RECQL5: variants seen among roughly 807,000 people sequenced by gnomAD.
RECQL5 encodes the protein RecQ like helicase 5, also known as ATP-dependent DNA helicase Q5.
RECQL5 carries 88 observed loss-of-function variants against 103.4 expected under a neutral mutation model. The ratio of observed to expected loss-of-function variants is 0.85; its 90% CI spans 0.72 to 1.02. The LOEUF is 1.02. Among genes scored for constraint, RECQL5 ranks in the 50% least tolerant of loss-of-function variants. RECQL5 has a pLI of 0.00. For missense variants in RECQL5, 1,232 were observed against 1,284.3 expected (o/e 0.96, Z 0.62); for synonymous variants, 552 against 507.9 (o/e 1.09, Z -1.17).
chr17:75,645,654 TAGTC>T (rs767095302), intron 8 of RECQL5, among the ~76,000 whole-genome samples: 11 of 152,192 alleles, frequency 7.2e-5, no homozygotes, highest in African/African-American at 1.2e-4. Flanking sequence ...CCAAGGGCCT[TAGTC>T]AGTAAGTTTC....
At chr17:75,658,215 C>T in intron 7 of RECQL5, 83 bp downstream of exon 7, 8 of 1,469,736 alleles carry the variant, frequency 5.4e-6, no homozygotes, top group Non-Finnish European at 7.4e-6. Context: ...CTTACACAAG[C>T]ATCATCAGAG....
chr17:75,665,689 CAA>C (rs1184942786), intron 2 of RECQL5, among the ~76,000 whole-genome samples: 28 of 63,408 alleles, frequency 4.4e-4, no homozygotes, highest in Admixed American at 3.4e-4. Context: ...GACTCTGTTT[CAA>C]AAAAAAAAAA....
chr17:75,628,189 A>C (rs1219014934), intron 18 of RECQL5, 29 bp downstream of exon 18: 1 of 1,556,798 alleles, frequency 6.4e-7, no homozygotes, highest in Admixed American at 1.7e-5. Flanking sequence ...CAGGCATGGG[A>C]GAAGGCAGAG....
intron 8 of RECQL5, chr17:75,641,117 T>A: frequency 1.3e-6 from 1 of 758,596 alleles, no homozygotes; most frequent in Non-Finnish European, 2.0e-6. Flanking sequence ...CACTGGGTGC[T>A]GGGGAGTCAG....
Position 75,630,650 on chromosome 17 carries a change from T to A in RECQL5, c.1687A>T (p.Ser563Cys). 1 of 1,613,436 alleles carries A rather than the reference T, an allele frequency of 6.2e-7. No homozygotes were observed. Among genetic ancestry groups the A allele is most frequent in the East Asian group, 2.2e-5 (1 of 44,878 alleles). The change falls in exon 13 of 20, where the codon AGC (serine) becomes TGC (cysteine). Residue 563 changes from serine (S) to cysteine (C), a missense_variant. Physicochemically the swap from Ser to Cys is moderately radical, Grantham distance 112. Coordinates refer to ENST00000317905, the MANE Select transcript of RECQL5 (RefSeq NM_004259.7). ...CLRLLEEALS[S>C]NRQSTRTADE... is the part of the protein sequence containing the mutation. ...GCGGTACGTGTTGACTGGCGGTTGC[T>A]GCTCAGCGCCTCCTCCAGAAGCCGC...
At chr17:75,628,633 C>T in intron 17 of RECQL5, 39 bp downstream of exon 17, 1 of 1,555,328 alleles carries the variant, frequency 6.4e-7, no homozygotes, top group South Asian at 1.2e-5. Context: ...TCGCCCACAG[C>T]CCTTCTCTCC....
Position 75,661,659 on chromosome 17 carries a change from T to C in RECQL5, c.821A>G (p.Gln274Arg). The C allele has an allele frequency of 6.2e-7, 1 of 1,614,072 alleles. No individual in the cohort carries two copies. Among genetic ancestry groups the C allele is most frequent in the Non-Finnish European group, 8.5e-7 (1 of 1,180,026 alleles). ...CCTGCAGCTGAGCTCTATGGCCAGC[T>C]GTTCACAAGCCTCTCTAGTCCTGCA... is the stretch of plus-strand genomic sequence containing the variant. The part of the protein sequence containing the change: ...VYCRTREACE[Q>R]LAIELSCRGV... The change falls in exon 5 of 20, where the codon CAG (glutamine) becomes CGG (arginine). Residue 274 changes from glutamine (Q) to arginine (R), a missense_variant. By Grantham distance (43) the Gln-to-Arg change is conservative. Coordinates refer to ENST00000317905, the MANE Select transcript of RECQL5 (RefSeq NM_004259.7).
rs201921330 is a variant in RECQL5 at position 75,629,133 on chromosome 17, T to A, written c.2290A>T (p.Ile764Phe). The A allele has an allele frequency of 1.8e-4, 286 of 1,613,700 alleles. No individual in the cohort carries two copies. Among genetic ancestry groups the A allele is most frequent in the Middle Eastern group, 8.2e-4 (5 of 6,078 alleles). The change falls in exon 16 of 20, where the codon ATC becomes TTC. Residue 764 changes from isoleucine to phenylalanine, a missense_variant. Coordinates refer to ENST00000317905, the MANE Select transcript of RECQL5 (RefSeq NM_004259.7). ...ATAAHKDSQS[I>F]ARFFCRRVES... ...ACCCTTCGGCAGAAGAAGCGGGCGA[T>A]GCTCTGAGAATCCTTGTGGGCCGCT...
intron 6 of RECQL5, among the ~76,000 whole-genome samples, chr17:75,659,210 C>T (rs915800642): frequency 6.6e-6 from 1 of 152,010 alleles, no homozygotes; most frequent in African/African-American, 2.4e-5. Context: ...TACAGGTGGG[C>T]GCCACCATGC....
chr17:75,648,339 A>G (rs572077916), intron 8 of RECQL5, among the ~76,000 whole-genome samples: 1 of 152,080 alleles, frequency 6.6e-6, no homozygotes, highest in East Asian at 1.9e-4. Flanking sequence ...TATACTCTCG[A>G]AACACCATTT....
rs1424732571 is a variant in RECQL5, at chr17:75,662,804, T to G, written c.446A>C (p.His149Pro). 6.2e-7 allele frequency: 1 copy of G among 1,614,088 alleles called. No individual in the cohort carries two copies. Among genetic ancestry groups the G allele is most frequent in the South Asian group, 1.1e-5 (1 of 91,080 alleles). ...QPTLNSLVSR[H>P]LLSYLVVDEA... ...ATCCACCACCAAGTAAGACAGCAGG[T>G]GGCGGGACACCAGGGAGTTCAGGGT... The change falls in exon 4 of 20, where the codon CAC (histidine) becomes CCC (proline). Residue 149 changes from histidine to proline, a missense_variant. By Grantham distance (77) the His-to-Pro change is moderately conservative. Transcript: ENST00000317905.
intron 7 of RECQL5, among the ~76,000 whole-genome samples, chr17:75,656,471 T>C (rs1942384672): frequency 6.6e-6 from 1 of 152,204 alleles, no homozygotes; most frequent in Non-Finnish European, 1.5e-5. Flanking sequence ...ATTAAGTTTT[T>C]TTTTTGTTTC....
At chr17:75,630,748 G>A in intron 12 of RECQL5, 31 bp downstream of exon 12, 3 of 1,594,944 alleles carry the variant, frequency 1.9e-6, no homozygotes, top group Non-Finnish European at 2.6e-6. Context: ...GAGGGCCCCG[G>A]CGGGTGGCTG....
chr17:75,649,986 A>C lies in RECQL5; in HGVS notation c.1229+1200T>G, dbSNP rs1003545621. 4.3e-5 allele frequency: 42 copies of C among 985,498 alleles called. No homozygotes were observed. In the African/African-American group the frequency reaches 6.8e-4, roughly 16 times the overall value. The allele number at this position is 985,498 out of a possible 1,614,324, so 61.0% of individuals were successfully genotyped here. The stretch of plus-strand genomic sequence containing the variant: ...GGCAGGCGGAGCAGACCCTGGGGAC[A>C]GGCAGAGTTAACCCTCCAGAGAGCA... On this transcript the variant is annotated intron_variant, in intron 8 of 19. Coordinates refer to ENST00000317905, the MANE Select transcript of RECQL5 (RefSeq NM_004259.7).
intron 7 of RECQL5, among the ~76,000 whole-genome samples, chr17:75,653,168 T>C (rs373464317): frequency 2.6e-5 from 4 of 152,224 alleles, no homozygotes; most frequent in Non-Finnish European, 4.4e-5. Context: ...AGTAGGGCAA[T>C]AGCAGGTGGT....
In RECQL5 at chr17:75,629,818, T is replaced by G. The variant is rs775466364; in HGVS notation, c.1837A>C (p.Lys613Gln). The stretch of plus-strand genomic sequence containing the variant: ...CCCATGTCATAGGGCTGCCCATCCT[T>G]GGAGGCTCTGTGGATATCGGCCACC... ...KKVADIHRAS[K>Q]DGQPYDMGGS... The change falls in exon 15 of 20, where the codon AAG becomes CAG. Residue 613 changes from lysine to glutamine, a missense_variant. Lys to Gln is a moderately conservative substitution (Grantham distance 53). Coordinates refer to ENST00000317905, the MANE Select transcript of RECQL5 (RefSeq NM_004259.7). The G allele has an allele frequency of 5.1e-5, 82 of 1,612,500 alleles. No individual in the cohort carries two copies. The highest frequency in any genetic ancestry group is 1.7e-4 in the Middle Eastern group (1 of 5,934).
At chr17:75,629,680 G>A (rs2059170080) in intron 15 of RECQL5, 28 bp downstream of exon 15, 1 of 1,589,134 alleles carries the variant, frequency 6.3e-7, no homozygotes, top group Non-Finnish European at 8.6e-7. Context: ...CTGGTCACAG[G>A]TCTGGAGGCC....
Position 75,662,981 on chromosome 17 carries a change from A to G in RECQL5, c.269T>C (p.Leu90Ser). The G allele has an allele frequency of 6.2e-7, 1 of 1,605,454 alleles. No homozygotes were observed. Among genetic ancestry groups the G allele is most frequent in the Non-Finnish European group, 8.5e-7 (1 of 1,175,322 alleles). ...ACTTACTCGTACCTTTAGGGTTAGCAAGTGGTCCACTTGGTCCTAAGAGAA... is the reference window on the plus strand; with the variant it reads ...ACTTACTCGTACCTTTAGGGTTAGCGAGTGGTCCACTTGGTCCTAAGAGAA... The part of the protein sequence containing the change: ...IALIQDQVDH[L>S]LTLKVRVSSL... Residue 90 changes from leucine to serine, a missense_variant, in exon 4 of 20, where the codon TTG (leucine) becomes TCG (serine). Leu to Ser is a moderately radical substitution (Grantham distance 145). Coordinates refer to ENST00000317905, the MANE Select transcript of RECQL5 (RefSeq NM_004259.7).
Position 75,627,485 on chromosome 17 carries a change from G to T in RECQL5, c.2913C>A (p.Phe971Leu). The change falls in exon 20 of 20, where the codon TTC becomes TTA. Residue 971 changes from phenylalanine (F) to leucine (L), a missense_variant. Physicochemically the swap from Phe to Leu is conservative, Grantham distance 22. Coordinates refer to ENST00000317905, the MANE Select transcript of RECQL5 (RefSeq NM_004259.7). ...EEAQNLIRHF[F>L]HGRARCESEA... ...CGCTCTCGCACCGGGCCCGGCCATG[G>T]AAGAAGTGCCTGATGAGGTTCTGGG... The T allele has an allele frequency of 6.2e-7, 1 of 1,613,900 alleles. No homozygotes were observed. The highest frequency in any genetic ancestry group is 1.1e-5 in the South Asian group (1 of 91,080).
Sources: allele counts gnomAD v4.1 joint callset (sites outside exome capture counted in the v4.1 genomes callset), GRCh38; gene constraint gnomAD v4.1.1; transcripts MANE v1.5; gene names NCBI Gene and HGNC (gene_info 2026-07-23, HGNC 2026-07-21).